SLC38A12: variants seen among roughly 807,000 people sequenced by gnomAD.
SLC38A12 encodes the protein solute carrier family 38 member 12.
At chr17:74,811,453 G>T in the SLC38A12 span, among the ~76,000 whole-genome samples, 1 of 152,202 alleles carries the variant, frequency 6.6e-6, no homozygotes, top group African/African-American at 2.4e-5. Context: ...AGGCATGGTG[G>T]CTCAGGCCTG....
the SLC38A12 span, among the ~76,000 whole-genome samples, chr17:74,820,706 T>C: frequency 6.6e-6 from 1 of 152,168 alleles, no homozygotes; most frequent in African/African-American, 2.4e-5. Flanking sequence ...ACAGAAGCAC[T>C]TGGCTCTAGA....
the SLC38A12 span, chr17:74,790,100 C>G: frequency 1.1e-6 from 1 of 941,306 alleles, no homozygotes; most frequent in Non-Finnish European, 1.7e-6. Context: ...ACTACAGGCA[C>G]ATGACACCAC....
the SLC38A12 span, among the ~76,000 whole-genome samples, chr17:74,812,050 A>T: frequency 6.6e-6 from 1 of 150,594 alleles, no homozygotes; most frequent in South Asian, 2.1e-4. Flanking sequence ...AAAAAAAAAT[A>T]GCATTGACTT....
the SLC38A12 span, among the ~76,000 whole-genome samples, chr17:74,788,177 TC>T: frequency 4.3e-4 from 65 of 152,254 alleles, 2 homozygotes; most frequent in South Asian, 0.011. Flanking sequence ...CACCTCCCAA[TC>T]TCCCTTTTGA....
chr17:74,782,239 T>C, the SLC38A12 span, among the ~76,000 whole-genome samples: 7 of 152,156 alleles, frequency 4.6e-5, no homozygotes, highest in African/African-American at 1.7e-4. Context: ...GGCTAATTTT[T>C]TGTATTTTAG....
At chr17:74,779,981 G>A in the SLC38A12 span, among the ~76,000 whole-genome samples, 39 of 152,332 alleles carry the variant, frequency 2.6e-4, no homozygotes, top group South Asian at 7.5e-3. Context: ...CCCCTTAAGG[G>A]ATCTCAGGAT....
the SLC38A12 span, among the ~76,000 whole-genome samples, chr17:74,831,761 G>A: frequency 2.6e-5 from 4 of 152,232 alleles, no homozygotes; most frequent in Non-Finnish European, 5.9e-5. Flanking sequence ...TCCTTAGCAT[G>A]TCTGGGGAGC....
At chr17:74,782,310 C>A in the SLC38A12 span, among the ~76,000 whole-genome samples, 1 of 152,192 alleles carries the variant, frequency 6.6e-6, no homozygotes, top group Admixed American at 6.5e-5. Flanking sequence ...TCAGGCAATA[C>A]ACCCACCTCA....
chr17:74,789,768 C>T, the SLC38A12 span, among the ~76,000 whole-genome samples: 3 of 147,510 alleles, frequency 2.0e-5, no homozygotes, highest in Non-Finnish European at 4.4e-5. Flanking sequence ...TCACTTGAAC[C>T]TGGGAGGCAG....
chr17:74,831,785 T>C, the SLC38A12 span, among the ~76,000 whole-genome samples: 2 of 152,182 alleles, frequency 1.3e-5, no homozygotes, highest in Non-Finnish European at 2.9e-5. Context: ...TTCTGCTCTG[T>C]CCCGCCTCCA....
At chr17:74,790,550 C>A in the SLC38A12 span, among the ~76,000 whole-genome samples, 1 of 152,122 alleles carries the variant, frequency 6.6e-6, no homozygotes, top group Non-Finnish European at 1.5e-5. Context: ...CAGTTTCCCC[C>A]CATACCCCTT....
At chr17:74,799,253 G>A in the SLC38A12 span, among the ~76,000 whole-genome samples, 5 of 152,246 alleles carry the variant, frequency 3.3e-5, no homozygotes, top group African/African-American at 1.2e-4. Context: ...GCTCACAGGT[G>A]GACAGATGCT....
chr17:74,803,672 C>T, the SLC38A12 span, among the ~76,000 whole-genome samples: 1 of 152,204 alleles, frequency 6.6e-6, no homozygotes, highest in Non-Finnish European at 1.5e-5. Flanking sequence ...GCCACCTGGG[C>T]TGATCCTGGC....
the SLC38A12 span, among the ~76,000 whole-genome samples, chr17:74,793,946 A>G: frequency 6.6e-6 from 1 of 152,128 alleles, no homozygotes; most frequent in Non-Finnish European, 1.5e-5. Context: ...TCCGTTGGGT[A>G]CCCTGCAGGC....
chr17:74,805,895 C>T, the SLC38A12 span, among the ~76,000 whole-genome samples: 1 of 152,208 alleles, frequency 6.6e-6, no homozygotes, highest in Non-Finnish European at 1.5e-5. The surrounding 1 kb of genome is among the most constrained non-coding windows in gnomAD (Gnocchi z 5.0). Context: ...CAACAGAGGG[C>T]GATGGCACTG....
the SLC38A12 span, among the ~76,000 whole-genome samples, chr17:74,784,952 C>T: frequency 1.7e-5 from 2 of 115,656 alleles, no homozygotes; most frequent in African/African-American, 6.8e-5. Flanking sequence ...TGAATTATGC[C>T]TCAACTTTTT....
the SLC38A12 span, chr17:74,790,922 C>T: frequency 3.6e-5 from 58 of 1,604,950 alleles, no homozygotes; most frequent in Non-Finnish European, 4.5e-5. Flanking sequence ...ACGTGAAGAA[C>T]CACTTCCTCT....
chr17:74,802,026 C>A, the SLC38A12 span, among the ~76,000 whole-genome samples: 1 of 152,086 alleles, frequency 6.6e-6, no homozygotes, highest in Non-Finnish European at 1.5e-5. Context: ...TGAGCACGGC[C>A]CCTGTCCCTC....
At chr17:74,836,973 A>C in the SLC38A12 span, 1 of 1,221,358 alleles carries the variant, frequency 8.2e-7, no homozygotes, top group Non-Finnish European at 1.0e-6. The surrounding 1 kb of genome is among the most constrained non-coding windows in gnomAD (Gnocchi z 4.2). Flanking sequence ...CCTCTCCCAC[A>C]TCTTCCAACA....
Sources: allele counts gnomAD v4.1 joint callset (sites outside exome capture counted in the v4.1 genomes callset), GRCh38; gene constraint gnomAD v4.1.1; non-coding constraint Gnocchi (gnomAD v3.1); transcripts MANE v1.5; gene names NCBI Gene and HGNC (gene_info 2026-07-23, HGNC 2026-07-21).